RBFOX3: variants seen among roughly 807,000 people sequenced by gnomAD.
RBFOX3 encodes the protein RNA binding protein fox-1 homolog 3.
RBFOX3 carries 17 observed loss-of-function variants against 48.7 expected under a neutral mutation model. The ratio of observed to expected loss-of-function variants is 0.35; its 90% CI spans 0.24 to 0.52. The LOEUF is 0.52. RBFOX3 is among the 20% of genes least tolerant of loss of function. RBFOX3 has a pLI of 0.94. For synonymous variants in RBFOX3, 212 were observed against 209.5 expected (o/e 1.01, Z -0.10); for missense variants, 382 against 497.5 (o/e 0.77, Z 2.21).
At chr17:79,210,295 C>T (rs921863121) in intron 4 of RBFOX3, among the ~76,000 whole-genome samples, 4 of 152,332 alleles carry the variant, frequency 2.6e-5, no homozygotes, top group South Asian at 2.1e-4. Flanking sequence ...GGCGTCTTCA[C>T]GCTAATGCCA....
At chr17:79,374,187 G>A (rs559257920) in intron 2 of RBFOX3, among the ~76,000 whole-genome samples, 1 of 152,298 alleles carries the variant, frequency 6.6e-6, no homozygotes, top group South Asian at 2.1e-4. Flanking sequence ...CTAAGCACCT[G>A]GTGCAGCTGC....
intron 4 of RBFOX3, among the ~76,000 whole-genome samples, chr17:79,197,250 TTC>T (rs1373824736): frequency 1.1e-5 from 1 of 89,780 alleles, no homozygotes; most frequent in Non-Finnish European, 2.2e-5. Flanking sequence ...TGTCTGTCTC[TTC>T]TCTGTGTCTC....
Position 79,468,790 on chromosome 17 carries a change from T to C in RBFOX3, c.-175+13664A>G, listed in dbSNP as rs370068491. Among the ~76,000 whole-genome samples, 1,272 of 143,834 alleles carry C rather than the reference T, an allele frequency of 8.8e-3. 14 individuals carry two copies. Among genetic ancestry groups the C allele is most frequent in the African/African-American group, 0.032 (1,204 of 38,112 alleles). The allele number at this position is 143,834 out of a possible 152,430, so 94.4% of individuals were successfully genotyped here. A position where few individuals can be genotyped will look rare whatever the true frequency, so the allele number is the denominator to read the frequency against. On this transcript the variant is annotated intron_variant, in intron 2 of 14. Coordinates refer to ENST00000693108, the MANE Select transcript of RBFOX3 (RefSeq NM_001350451.2). ...ATGGATAGATAGATAGATAGGAAGA[T>C]AGATGGCAGATAGACAGGAAGACAG...
the RBFOX3 span, among the ~76,000 whole-genome samples, chr17:79,618,253 G>A: frequency 1.3e-5 from 2 of 152,228 alleles, no homozygotes; most frequent in African/African-American, 4.8e-5. Context: ...AATTTCTGCA[G>A]CCGGGGCAGT....
intron 1 of RBFOX3, among the ~76,000 whole-genome samples, chr17:79,494,387 A>C (rs2081144756): frequency 6.6e-6 from 1 of 152,220 alleles, no homozygotes. Flanking sequence ...AAGTAGCATA[A>C]CGTCTTAAAC....
intron 1 of RBFOX3, among the ~76,000 whole-genome samples, chr17:79,605,920 CT>C (rs1249718272): frequency 6.6e-6 from 1 of 152,182 alleles, no homozygotes; most frequent in Non-Finnish European, 1.5e-5. Flanking sequence ...CTGATTTTCA[CT>C]TCTAAAAAGC....
At chr17:79,344,213 AG>A (rs2082524539) in intron 2 of RBFOX3, among the ~76,000 whole-genome samples, 2 of 152,212 alleles carry the variant, frequency 1.3e-5, no homozygotes, top group African/African-American at 4.8e-5. Context: ...CCAGACTTTA[AG>A]GAGTCAAGAC....
At position 79,221,803 on chromosome 17, in the gene RBFOX3, G is replaced by C. The variant is rs537163724; in HGVS notation, c.-34+13963C>G. ...CTCCCCTCCAAGGCCGCCGCCCATA[G>C]CTCTCTGGCTGGGCAAGCCCAGGGG... On this transcript the variant is annotated intron_variant, in intron 4 of 14. Transcript: ENST00000693108. Among the ~76,000 whole-genome samples, 3 of 152,346 alleles carry C rather than the reference G, an allele frequency of 2.0e-5. No individual in the cohort carries two copies. The East Asian group carries it at 5.8e-4, about 29-fold the overall frequency.
intron 2 of RBFOX3, among the ~76,000 whole-genome samples, chr17:79,431,533 G>A (rs1431710247): frequency 8.0e-6 from 1 of 125,606 alleles, no homozygotes; most frequent in Non-Finnish European, 1.6e-5. Context: ...TCATCAAGCT[G>A]GAGAGCAGTG....
chr17:79,152,975 G>A (rs1162656985), intron 4 of RBFOX3, among the ~76,000 whole-genome samples: 1 of 152,210 alleles, frequency 6.6e-6, no homozygotes, highest in African/African-American at 2.4e-5. Flanking sequence ...GGAGGTGGCT[G>A]CGGTCGGGTG....
rs892260191 is a variant in RBFOX3, at chr17:79,195,850, G to A, written c.-34+39916C>T. 6.6e-5 allele frequency among the ~76,000 whole-genome samples: 10 copies of A among 152,230 alleles called. No homozygotes were observed. Among genetic ancestry groups the A allele is most frequent in the East Asian group, 1.9e-4 (1 of 5,198 alleles). On this transcript the variant is annotated intron_variant, in intron 4 of 14. Transcript: ENST00000693108. The surrounding 1 kb of genome is among the most constrained non-coding windows in gnomAD (Gnocchi z 5.3). The stretch of plus-strand genomic sequence containing the variant: ...GGCCAGCTCCCGTGCGGCTGCACTC[G>A]CTTGCATTTGGCTGCTGGGTGAGCT...
Position 79,212,237 on chromosome 17 carries a change from C to T in RBFOX3, c.-34+23529G>A, listed in dbSNP as rs1007380991. Among the ~76,000 whole-genome samples the T allele has an allele frequency of 1.3e-5, 2 of 152,190 alleles. No homozygotes were observed. The highest frequency in any genetic ancestry group is 4.8e-5 in the African/African-American group (2 of 41,442). On this transcript the variant is annotated intron_variant, in intron 4 of 14. Coordinates refer to ENST00000693108, the MANE Select transcript of RBFOX3 (RefSeq NM_001350451.2). This position sits in a 1 kb window ranked among gnomAD's most constrained non-coding sequence, Gnocchi z 4.7. ...CAAACTCTAGACACCCTTGGCCACC[C>T]GCTGCCCTGGGTTCTTCCAGGCTGG...
chr17:79,285,285 T>C (rs1409984638), intron 3 of RBFOX3, among the ~76,000 whole-genome samples: 1 of 152,220 alleles, frequency 6.6e-6, no homozygotes, highest in Admixed American at 6.5e-5. Context: ...GCAGTTAATA[T>C]GCCCACAAGA....
chr17:79,508,312 C>T (rs905329328), intron 1 of RBFOX3, among the ~76,000 whole-genome samples: 5 of 152,248 alleles, frequency 3.3e-5, no homozygotes, highest in Non-Finnish European at 5.9e-5. Flanking sequence ...GGCTGGTGAC[C>T]CAGTGCTGCC....
intron 3 of RBFOX3, among the ~76,000 whole-genome samples, chr17:79,253,086 C>T (rs936317038): frequency 9.9e-5 from 15 of 152,198 alleles, no homozygotes; most frequent in African/African-American, 3.6e-4. Flanking sequence ...CTTGACAAGG[C>T]TGTTTCAGGT....
chr17:79,223,521 T>A (rs1319784631), intron 4 of RBFOX3, among the ~76,000 whole-genome samples: 2 of 152,212 alleles, frequency 1.3e-5, no homozygotes, highest in East Asian at 3.9e-4. Flanking sequence ...GGTCTTGGGC[T>A]TGTCCCTGCA....
chr17:79,151,442 C>T (rs1312446717), intron 4 of RBFOX3, among the ~76,000 whole-genome samples: 7 of 11,286 alleles, frequency 6.2e-4, no homozygotes, highest in Admixed American at 9.7e-4. Flanking sequence ...GGAGGGGAGG[C>T]GAGGATGGGA....
At chr17:79,454,898 G>A (rs140506253) in intron 2 of RBFOX3, among the ~76,000 whole-genome samples, 3 of 152,196 alleles carry the variant, frequency 2.0e-5, no homozygotes, top group South Asian at 4.1e-4. Flanking sequence ...GGGTTTGGGG[G>A]CCCTGCACCC....
rs115764026 is a variant in RBFOX3 at position 79,223,477 on chromosome 17, C to T, written c.-34+12289G>A. Among the ~76,000 whole-genome samples the T allele has an allele frequency of 8.4e-3, 1,285 of 152,286 alleles. 13 individuals are homozygous for T. The highest frequency in any genetic ancestry group is 0.028 in the African/African-American group (1,155 of 41,554). The stretch of plus-strand genomic sequence containing the variant: ...TGTGGCAGCCCCACTGGGGCAACCC[C>T]CAGTGAGCAGACCACTTCCACACAT... On this transcript the variant is annotated intron_variant, in intron 4 of 14. Transcript: ENST00000693108.
Sources: gnomAD v4.1 joint callset for allele counts (sites outside exome capture counted in the v4.1 genomes callset) on GRCh38, gnomAD v4.1.1 for gene constraint, Gnocchi (gnomAD v3.1) non-coding constraint, MANE v1.5 for transcripts, NCBI Gene and HGNC (gene_info 2026-07-23, HGNC 2026-07-21) for gene names.